TAMM41: variants seen among roughly 807,000 people sequenced by gnomAD.
TAMM41 encodes TAM41 mitochondrial translocator assembly and maintenance homolog, also known as phosphatidate cytidylyltransferase, mitochondrial.
A neutral mutation model predicts 44.1 loss-of-function variants in TAMM41; 36 were observed. The observed-to-expected ratio is 0.82, with a 90% confidence interval of 0.63 to 1.08. TAMM41 has a LOEUF of 1.08. Ranked by LOEUF, TAMM41 falls within the 50% of genes least tolerant of loss-of-function variation. The probability of loss-of-function intolerance (pLI) is 0.00; values close to 1 mark genes in which losing one functional copy is unlikely to be tolerated. For synonymous variants in TAMM41, 164 were observed against 153.1 expected (o/e 1.07, Z -0.53); for missense variants, 417 against 404.3 (o/e 1.03, Z -0.27).
rs1329708595 is a variant in TAMM41 at position 11,790,568 on chromosome 3, T to C, written c.951A>G (p.Ser317=). Residue 317 remains serine (S), a synonymous_variant, in exon 8 of 8, where the codon TCA becomes TCG. Coordinates refer to ENST00000455809, the MANE Select transcript of TAMM41 (RefSeq NM_001284401.2). ...GCAGTTTTAGTGAACTATAAATCAC[T>C]GACTTCTTCAGGCCTAAAAGAGAAA... ...KGIFTAGLKK[S]VIYSSLKLHK... 6.2e-7 allele frequency: 1 copy of C among 1,613,948 alleles called. No individual in the cohort carries two copies. Among genetic ancestry groups the C allele is most frequent in the Admixed American group, 1.7e-5 (1 of 59,948 alleles).
At chr3:11,724,267 C>T in the TAMM41 span, among the ~76,000 whole-genome samples, 1 of 150,104 alleles carries the variant, frequency 6.7e-6, no homozygotes, top group Non-Finnish European at 1.5e-5. Context: ...CCATGCCTGG[C>T]TAATTTTGTA....
At chr3:11,721,970 C>T in the TAMM41 span, 4 of 152,206 alleles carry the variant, frequency 2.6e-5, no homozygotes, top group Non-Finnish European at 4.4e-5. Context: ...CCAGACAACG[C>T]AAATGAATAA....
chr3:11,840,114 A>T (rs757547492), intron 2 of TAMM41, among the ~76,000 whole-genome samples: 1 of 152,066 alleles, frequency 6.6e-6, no homozygotes, highest in Admixed American at 6.6e-5. Flanking sequence ...CCCATTCCCT[A>T]GTCCCCTGTT....
the TAMM41 span, among the ~76,000 whole-genome samples, chr3:11,736,466 T>C: frequency 0.066 from 10,120 of 152,240 alleles, 1,130 homozygotes; most frequent in African/African-American, 0.23. Flanking sequence ...TTGATAAATG[T>C]CAGAAGCAGC....
chr3:11,815,073 A>G (rs900616390), intron 5 of TAMM41, among the ~76,000 whole-genome samples: 2 of 152,244 alleles, frequency 1.3e-5, no homozygotes, highest in African/African-American at 2.4e-5. Flanking sequence ...CTAGAATTTG[A>G]TATCTAGCCA....
At chr3:11,839,043 T>G (rs781711149) in intron 3 of TAMM41, among the ~76,000 whole-genome samples, 179 bp downstream of exon 3, 1 of 152,216 alleles carries the variant, frequency 6.6e-6, no homozygotes, top group Non-Finnish European at 1.5e-5. Flanking sequence ...ACATATTTCT[T>G]CTTATATCAC....
intron 5 of TAMM41, among the ~76,000 whole-genome samples, chr3:11,813,821 C>T (rs2078168001): frequency 8.2e-6 from 1 of 122,128 alleles, no homozygotes; most frequent in African/African-American, 3.4e-5. Flanking sequence ...CATATGGGTA[C>T]AAATATATGT....
the TAMM41 span, among the ~76,000 whole-genome samples, chr3:11,731,069 C>T: frequency 6.6e-6 from 1 of 152,156 alleles, no homozygotes; most frequent in African/African-American, 2.4e-5. Flanking sequence ...GCCACATAAT[C>T]AGTAAAAGTG....
the TAMM41 span, among the ~76,000 whole-genome samples, chr3:11,742,614 A>G: frequency 3.4e-5 from 5 of 145,188 alleles, no homozygotes; most frequent in South Asian, 1.1e-3. Context: ...TTCCTGAGAC[A>G]GGGTCTTGCC....
intron 5 of TAMM41, among the ~76,000 whole-genome samples, chr3:11,815,710 T>C (rs1227628065): frequency 6.6e-6 from 1 of 151,040 alleles, no homozygotes; most frequent in African/African-American, 2.5e-5. Context: ...TAAGAATTGA[T>C]GGGGTAGTGT....
rs570797802 is a variant in TAMM41, at chr3:11,832,992, A to G, written c.412-3128T>C. On this transcript the variant is annotated intron_variant, in intron 3 of 7. Transcript: ENST00000455809. ...TTAAGATTAAGAGGATGAAAATAAAAGCATCCTTACTCAAAGGAAAAATGT... is the reference window on the plus strand; with the variant it reads ...TTAAGATTAAGAGGATGAAAATAAAGGCATCCTTACTCAAAGGAAAAATGT... The G allele has an allele frequency of 6.8e-6, 7 of 1,031,272 alleles. No homozygotes were observed. In the East Asian group the frequency reaches 4.8e-4, roughly 71 times the overall value. The allele number at this position is 1,031,272 out of a possible 1,614,324, so 63.9% of individuals were successfully genotyped here.
At chr3:11,833,023 C>T (rs887520190) in intron 3 of TAMM41, 10 of 1,072,300 alleles carry the variant, frequency 9.3e-6, no homozygotes, top group Middle Eastern at 2.6e-4. Context: ...AATGTCAGTT[C>T]GGAAGATTCT....
chr3:11,808,126 C>T (rs1349665595), intron 6 of TAMM41: 3 of 1,028,516 alleles, frequency 2.9e-6, no homozygotes, highest in Admixed American at 3.3e-5. Flanking sequence ...AAGCCGATGA[C>T]CGAACAGCTC....
intron 4 of TAMM41, among the ~76,000 whole-genome samples, chr3:11,829,273 A>G (rs1451617230): frequency 6.6e-6 from 1 of 152,072 alleles, no homozygotes; most frequent in African/African-American, 2.4e-5. Context: ...TATTAAATCA[A>G]CTGTCTGGGG....
the TAMM41 span, among the ~76,000 whole-genome samples, chr3:11,759,992 A>G: frequency 2.1e-5 from 3 of 145,862 alleles, no homozygotes; most frequent in Non-Finnish European, 4.7e-5. Flanking sequence ...AAGAAAAAAG[A>G]AGAAGAAGAA....
chr3:11,840,939 C>T (rs1259918249), intron 2 of TAMM41, among the ~76,000 whole-genome samples: 1 of 152,064 alleles, frequency 6.6e-6, no homozygotes, highest in East Asian at 1.9e-4. Flanking sequence ...GAAGTTTTCA[C>T]TGACATGCTT....
In TAMM41 at chr3:11,840,287, C is replaced by T. The variant is rs561753324; in HGVS notation, c.319-973G>A. On this transcript the variant is annotated intron_variant, in intron 2 of 7. Coordinates refer to ENST00000455809, the MANE Select transcript of TAMM41 (RefSeq NM_001284401.2). ...TCACTCTGTCACCCAGGCTGGAGTG[C>T]ACTGGCGCAATCTCAGCTCACCACA... Among the ~76,000 whole-genome samples the T allele has an allele frequency of 5.9e-5, 9 of 151,318 alleles. No homozygotes were observed. The South Asian group carries it at 6.3e-4, about 11-fold the overall frequency.
At chr3:11,724,177 C>G in the TAMM41 span, among the ~76,000 whole-genome samples, 1 of 151,642 alleles carries the variant, frequency 6.6e-6, no homozygotes, top group Non-Finnish European at 1.5e-5. Context: ...GATCTCGGCT[C>G]ACTGCAACCT....
intron 3 of TAMM41, chr3:11,833,269 T>C (rs1342220171): frequency 2.0e-5 from 16 of 796,114 alleles, no homozygotes; most frequent in Non-Finnish European, 2.6e-5. Context: ...AAATCTTTAC[T>C]GTAGAGAAAG....
Sources: gnomAD v4.1 joint callset for allele counts (sites outside exome capture counted in the v4.1 genomes callset) on GRCh38, gnomAD v4.1.1 for gene constraint, MANE v1.5 for transcripts, NCBI Gene and HGNC (gene_info 2026-07-23, HGNC 2026-07-21) for gene names.